Variants in GRIP1 observed in about 807,000 individuals in gnomAD.
GRIP1 encodes glutamate receptor-interacting protein 1.
A neutral mutation model predicts 129.9 loss-of-function variants in GRIP1; 45 were observed. The observed-to-expected ratio is 0.35, with a 90% CI of 0.27 to 0.44. The LOEUF is 0.44. GRIP1 is among the 20% of genes least tolerant of loss of function. The probability of loss-of-function intolerance (pLI) is 1.00; values close to 1 mark genes in which losing one functional copy is unlikely to be tolerated. For missense variants in GRIP1, 1,196 were observed against 1,396.8 expected (o/e 0.86, Z 2.29); for synonymous variants, 530 against 520.8 (o/e 1.02, Z -0.24).
chr12:66,617,022 G>C lies in GRIP1; in HGVS notation c.56-20095C>G, dbSNP rs537559265. On this transcript the variant is annotated intron_variant, in intron 1 of 24. Coordinates refer to ENST00000359742, the MANE Select transcript of GRIP1 (RefSeq NM_001366722.1). ...TCTGTTCCTGAGAGGGAAGGCACAG[G>C]AGAAAGGAAACAAAGGTTGTTTCCC... 1.1e-3 allele frequency among the ~76,000 whole-genome samples: 172 copies of C among 151,576 alleles called. 1 individual carries two copies. Among genetic ancestry groups the C allele is most frequent in the Non-Finnish European group, 2.2e-3 (149 of 67,920 alleles).
At chr12:66,683,412 C>G (rs1193987922), upstream of GRIP1, among the ~76,000 whole-genome samples, 1 of 152,078 alleles carries the variant, frequency 6.6e-6, no homozygotes. Context: ...ATTAAAAAAG[C>G]AAGACCCAAT....
In GRIP1 at chr12:66,780,333, C is replaced by T. The variant is rs189822224; in HGVS notation, c.-420+23720G>A. Among the ~76,000 whole-genome samples, 67 of 152,312 alleles carry T rather than the reference C, an allele frequency of 4.4e-4. 1 individual carries two copies. Among genetic ancestry groups the T allele is most frequent in the Admixed American group, 1.4e-3 (22 of 15,304 alleles). ...AGCAGGTGTTCACTAGAGAGTGTTA[C>T]ATGCCAGTTTGGTAACAGTGGTTGA... On this transcript the variant is annotated intron_variant, in intron 1 of 4. Coordinates refer to the GRIP1 transcript ENST00000538373.
intron 1 of GRIP1, among the ~76,000 whole-genome samples, chr12:66,953,526 C>A (rs961819620): frequency 3.3e-5 from 5 of 152,090 alleles, no homozygotes; most frequent in Middle Eastern, 3.2e-3. Context: ...TAGTGTAAAT[C>A]ACAATGCTCA....
chr12:66,747,150 A>C (rs1026846901), intron 1 of GRIP1, among the ~76,000 whole-genome samples: 25 of 152,308 alleles, frequency 1.6e-4, no homozygotes, highest in African/African-American at 5.8e-4. Context: ...AAGTGAACTG[A>C]GAAGGAAATG....
intron 1 of GRIP1, among the ~76,000 whole-genome samples, chr12:66,671,487 T>C (rs2034078719): frequency 6.6e-6 from 1 of 152,132 alleles, no homozygotes; most frequent in South Asian, 2.1e-4. Flanking sequence ...TTATCCCCCA[T>C]GACCCCGCCC....
chr12:66,809,238 GGACCAGCT>G (rs1320860077), intron 1 of GRIP1, among the ~76,000 whole-genome samples: 1 of 152,138 alleles, frequency 6.6e-6, no homozygotes, highest in East Asian at 1.9e-4. Flanking sequence ...AAAAAGAAAT[GGACCAGCT>G]ATTGAGATTA....
intron 1 of GRIP1, among the ~76,000 whole-genome samples, chr12:67,012,750 A>G (rs987247430): frequency 3.9e-5 from 6 of 152,168 alleles, no homozygotes; most frequent in Non-Finnish European, 8.8e-5. Context: ...ATGCTCAGTT[A>G]TATCAGTCCC....
At chr12:67,016,351 T>G (rs1363638111) in intron 1 of GRIP1, among the ~76,000 whole-genome samples, 1 of 152,146 alleles carries the variant, frequency 6.6e-6, no homozygotes, top group Non-Finnish European at 1.5e-5. Context: ...AACAGATAAT[T>G]CTGAAATAAT....
At chr12:66,511,283 C>T (rs2060691442) in intron 7 of GRIP1, among the ~76,000 whole-genome samples, 2 of 151,994 alleles carry the variant, frequency 1.3e-5, no homozygotes, top group South Asian at 2.1e-4. Flanking sequence ...ACTGTGAGTC[C>T]GTTAAACCTC....
intron 1 of GRIP1, among the ~76,000 whole-genome samples, chr12:67,062,914 A>G (rs1167095502): frequency 6.6e-6 from 1 of 152,244 alleles, no homozygotes; most frequent in African/African-American, 2.4e-5. Context: ...TTCTTAAAGA[A>G]TAAAAATTAT....
At chr12:66,581,168 G>A (rs1157590500) in intron 2 of GRIP1, among the ~76,000 whole-genome samples, 5 of 152,114 alleles carry the variant, frequency 3.3e-5, no homozygotes, top group East Asian at 1.9e-4. Flanking sequence ...GGTACATAAC[G>A]AAATGAAGGC....
Position 66,732,073 on chromosome 12 carries a change from G to A in GRIP1, c.-420+71980C>T, listed in dbSNP as rs557067628. ...AATACAATTGACCCTTGAATAACAC[G>A]GGTTTGAACTGTGTGGGTCCACTTA... On this transcript the variant is annotated intron_variant, in intron 1 of 4. Coordinates refer to the GRIP1 transcript ENST00000538373. Among the ~76,000 whole-genome samples the A allele has an allele frequency of 9.2e-5, 14 of 152,188 alleles. No individual in the cohort carries two copies. In the South Asian group the frequency reaches 1.5e-3, roughly 16 times the overall value.
intron 1 of GRIP1, among the ~76,000 whole-genome samples, chr12:66,794,843 T>C (rs1407969599): frequency 6.6e-6 from 1 of 152,184 alleles, no homozygotes; most frequent in African/African-American, 2.4e-5. Context: ...GAGGTGTTTG[T>C]TCCTATAAAT....
chr12:66,929,543 G>A (rs914383351), intron 1 of GRIP1, among the ~76,000 whole-genome samples: 2 of 152,138 alleles, frequency 1.3e-5, no homozygotes, highest in Non-Finnish European at 2.9e-5. Flanking sequence ...GGAAGATGAT[G>A]CAAAACATTT....
intron 1 of GRIP1, among the ~76,000 whole-genome samples, chr12:67,066,147 T>C (rs180726497): frequency 5.9e-5 from 9 of 152,310 alleles, no homozygotes; most frequent in African/African-American, 2.2e-4. Context: ...TTGCATGCCA[T>C]AGCAATAGCT....
intron 1 of GRIP1, among the ~76,000 whole-genome samples, chr12:66,923,300 C>T (rs1369788162): frequency 1.3e-5 from 2 of 152,140 alleles, no homozygotes; most frequent in South Asian, 2.1e-4. Flanking sequence ...GAGCTGAGAT[C>T]GTACCACTGC....
chr12:66,790,009 G>A (rs1457250381), intron 1 of GRIP1, among the ~76,000 whole-genome samples: 2 of 152,024 alleles, frequency 1.3e-5, no homozygotes, highest in Non-Finnish European at 2.9e-5. Context: ...TCTCCACTAA[G>A]CTTTAATATA....
At chr12:66,714,267 T>C (rs1390266967) in intron 1 of GRIP1, among the ~76,000 whole-genome samples, 5 of 152,058 alleles carry the variant, frequency 3.3e-5, no homozygotes, top group African/African-American at 1.2e-4. Flanking sequence ...ATATTTAGGA[T>C]ATATTTGAAG....
In GRIP1 at chr12:66,615,242, T is replaced by A. The variant is rs139753131; in HGVS notation, c.56-18315A>T. On this transcript the variant is annotated intron_variant, in intron 1 of 24. Coordinates refer to ENST00000359742, the MANE Select transcript of GRIP1 (RefSeq NM_001366722.1). ...AATCCTATAAAATAAGCCAAACAAG[T>A]AAGATCCTTTATAGTAATTTAAATA... Among the ~76,000 whole-genome samples, 13 of 152,286 alleles carry A rather than the reference T, an allele frequency of 8.5e-5. No homozygotes were observed. The East Asian group carries it at 2.5e-3, about 29-fold the overall frequency.
Sources: allele counts gnomAD v4.1 joint callset (sites outside exome capture counted in the v4.1 genomes callset), GRCh38; gene constraint gnomAD v4.1.1; transcripts MANE v1.5; gene names NCBI Gene and HGNC (gene_info 2026-07-23, HGNC 2026-07-21).